The following XKR6 variants were observed in gnomAD, a reference collection of about 807,000 sequenced individuals.
XKR6 encodes XK related 6.
Under a neutral mutation model 56.7 loss-of-function variants are expected in XKR6, and 22 were observed. That is an observed-to-expected ratio of 0.39 (90% CI 0.28 to 0.55). The LOEUF (loss-of-function observed/expected upper bound fraction) is 0.55, where lower values mean the gene tolerates loss of function less well. XKR6 is among the 20% of genes least tolerant of loss of function. The pLI is 0.66. For synonymous variants in XKR6, 524 were observed against 387.8 expected, an observed-to-expected ratio of 1.35 and a Z score of -4.13; for missense variants, 852 against 889.0, an observed-to-expected ratio of 0.96 and a Z score of 0.53.
At chr8:10,908,336 C>T (rs1420481368) in intron 2 of XKR6, among the ~76,000 whole-genome samples, 1 of 152,012 alleles carries the variant, frequency 6.6e-6, no homozygotes, top group African/African-American at 2.4e-5. Context: ...CAGGTAAAAG[C>T]TACAGTCCTT....
At chr8:11,129,141 C>G (rs1799976947) in intron 1 of XKR6, 1 of 360,714 alleles carries the variant, frequency 2.8e-6, no homozygotes, top group Admixed American at 3.8e-5. Context: ...AAAGGAGTTT[C>G]TTTTGGAGTG....
chr8:10,973,801 T>C (rs1802474667), intron 1 of XKR6, among the ~76,000 whole-genome samples: 1 of 152,158 alleles, frequency 6.6e-6, no homozygotes, highest in African/African-American at 2.4e-5. Context: ...CCCAGGCTGG[T>C]CGTGAACTCA....
At position 10,905,457 on chromosome 8, in the gene XKR6, G is replaced by T. The variant is rs115895328; in HGVS notation, c.962-6541C>A. On this transcript the variant is annotated intron_variant, in intron 2 of 2. Transcript: ENST00000416569. ...CTGCCAGGTTTCTTATCCCCATATT[G>T]TAGATGAGGAGACCGAAACAGCAGT... 3.9e-3 allele frequency among the ~76,000 whole-genome samples: 592 copies of T among 152,180 alleles called. 3 individuals are homozygous for T. Among genetic ancestry groups the T allele is most frequent in the African/African-American group, 0.014 (567 of 41,506 alleles).
chr8:11,167,556 G>C (rs532939108), intron 1 of XKR6, among the ~76,000 whole-genome samples: 106 of 152,262 alleles, frequency 7.0e-4, no homozygotes, highest in Middle Eastern at 3.4e-3. Context: ...GGTCTGGGAA[G>C]AAAAGACGTG....
chr8:11,024,766 G>A (rs1268898152), intron 1 of XKR6, among the ~76,000 whole-genome samples: 1 of 152,246 alleles, frequency 6.6e-6, no homozygotes, highest in Non-Finnish European at 1.5e-5. Flanking sequence ...AGAGAATCTA[G>A]AACTGATCCC....
At chr8:11,079,618 T>C (rs1797645709) in intron 1 of XKR6, among the ~76,000 whole-genome samples, 1 of 152,342 alleles carries the variant, frequency 6.6e-6, no homozygotes, top group South Asian at 2.1e-4. Flanking sequence ...TTTCACTTTA[T>C]GTACTTCTTG....
Position 11,200,001 on chromosome 8 carries a change from G to C in XKR6, c.764+575C>G, listed in dbSNP as rs531486322. 1.3e-5 allele frequency among the ~76,000 whole-genome samples: 2 copies of C among 152,122 alleles called. No homozygotes were observed. Among genetic ancestry groups the C allele is most frequent in the Admixed American group, 6.5e-5 (1 of 15,292 alleles). On this transcript the variant is annotated intron_variant, in intron 1 of 2. Coordinates refer to ENST00000416569, the MANE Select transcript of XKR6 (RefSeq NM_173683.4). The surrounding 1 kb of genome is among the most constrained non-coding windows in gnomAD (Gnocchi z 6.4). ...AAAAAAAAAAGTCTTTTTTCCTTCT[G>C]GGAAAGCAGTGGTTTGGAGTCATTC...
At chr8:10,951,837 C>T (rs976141286) in intron 1 of XKR6, among the ~76,000 whole-genome samples, 1 of 152,034 alleles carries the variant, frequency 6.6e-6, no homozygotes, top group Non-Finnish European at 1.5e-5. Context: ...GTGGGGAGCC[C>T]GGACCAAGGA....
At chr8:11,071,579 C>A (rs1800121689) in intron 1 of XKR6, among the ~76,000 whole-genome samples, 1 of 148,314 alleles carries the variant, frequency 6.7e-6, no homozygotes, top group Non-Finnish European at 1.5e-5. Context: ...TCCATGAGCC[C>A]CGAGTCCATG....
intron 1 of XKR6, among the ~76,000 whole-genome samples, chr8:11,095,189 G>A (rs1324520156): frequency 3.9e-5 from 6 of 152,184 alleles, no homozygotes; most frequent in African/African-American, 7.2e-5. Flanking sequence ...GTGCAAATAC[G>A]TAAGTGGACA....
intron 1 of XKR6, among the ~76,000 whole-genome samples, chr8:10,967,473 G>A (rs1457521573): frequency 1.3e-5 from 2 of 152,228 alleles, no homozygotes; most frequent in African/African-American, 2.4e-5. Flanking sequence ...GCTGCCCGAA[G>A]AGGCTGTACA....
intron 1 of XKR6, among the ~76,000 whole-genome samples, chr8:11,079,910 G>T (rs1037210673): frequency 6.6e-6 from 1 of 152,158 alleles, no homozygotes; most frequent in Non-Finnish European, 1.5e-5. Context: ...GAGGCTGCAA[G>T]TAAGCCATGA....
At chr8:11,090,924 T>C (rs1020218060) in intron 1 of XKR6, among the ~76,000 whole-genome samples, 4 of 152,110 alleles carry the variant, frequency 2.6e-5, no homozygotes, top group African/African-American at 7.2e-5. Context: ...CCCCATTTGA[T>C]AGATGAGAAA....
chr8:11,156,378 G>C (rs546221563), intron 1 of XKR6, among the ~76,000 whole-genome samples: 28 of 152,288 alleles, frequency 1.8e-4, no homozygotes, highest in African/African-American at 6.7e-4. Context: ...ATGTCTGAGA[G>C]CATGCAACAC....
In XKR6 at chr8:11,025,233, C is replaced by A. The variant is rs181648236; in HGVS notation, c.765-100403G>T. On this transcript the variant is annotated intron_variant, in intron 1 of 2. Transcript: ENST00000416569. Reference sequence around the variant, plus strand: ...CACAGGAACCCTGTACTCATGTCCGCCAGATTCATGTCTACTCGAATAAAA... The same window carrying A: ...CACAGGAACCCTGTACTCATGTCCGACAGATTCATGTCTACTCGAATAAAA... 2.5e-4 allele frequency among the ~76,000 whole-genome samples: 38 copies of A among 152,342 alleles called. 1 individual carries two copies. In the East Asian group the frequency reaches 5.0e-3, roughly 20 times the overall value.
At chr8:11,035,076 G>A (rs1289201169) in intron 1 of XKR6, 10 of 417,144 alleles carry the variant, frequency 2.4e-5, no homozygotes, top group Non-Finnish European at 3.5e-5. Flanking sequence ...TCTGAGCTTC[G>A]GTTTCCTCAT....
intron 1 of XKR6, among the ~76,000 whole-genome samples, chr8:11,100,678 G>GT (rs1349268286): frequency 2.6e-5 from 4 of 152,208 alleles, no homozygotes; most frequent in African/African-American, 4.8e-5. Flanking sequence ...GAATTTTGCT[G>GT]TATGATTCTC....
At chr8:11,127,354 C>G (rs188856590) in intron 1 of XKR6, among the ~76,000 whole-genome samples, 1 of 152,278 alleles carries the variant, frequency 6.6e-6, no homozygotes, top group Admixed American at 6.5e-5. Flanking sequence ...ATAAGTTACC[C>G]ATCTTTTCTA....
At chr8:11,177,491 C>A (rs754552883) in intron 1 of XKR6, among the ~76,000 whole-genome samples, 2 of 152,158 alleles carry the variant, frequency 1.3e-5, no homozygotes, top group Non-Finnish European at 2.9e-5. Flanking sequence ...AAGTCCTAAC[C>A]CCCTCCCCCA....
Sources: allele counts gnomAD v4.1 joint callset (sites outside exome capture counted in the v4.1 genomes callset), GRCh38; gene constraint gnomAD v4.1.1; non-coding constraint Gnocchi (gnomAD v3.1); transcripts MANE v1.5; gene names NCBI Gene and HGNC (gene_info 2026-07-23, HGNC 2026-07-21).